The following CDH2 variants were observed in gnomAD, a reference collection of about 807,000 sequenced individuals.
The protein encoded by CDH2 is cadherin-2.
Under a neutral mutation model 92.0 loss-of-function variants are expected in CDH2, and 17 were observed. The ratio of observed to expected loss-of-function variants is 0.18; its 90% confidence interval spans 0.13 to 0.28. The LOEUF is 0.28. CDH2 is among the 10% of genes least tolerant of loss of function. The pLI is 1.00. For synonymous variants in CDH2, 419 were observed against 415.9 expected (o/e 1.01, Z -0.09); for missense variants, 862 against 1,133.1 (o/e 0.76, Z 3.44).
intron 2 of CDH2, among the ~76,000 whole-genome samples, chr18:28,106,412 A>T (rs926699220): frequency 6.6e-6 from 1 of 151,234 alleles, no homozygotes; most frequent in East Asian, 1.9e-4. Context: ...GTGAGATTGC[A>T]TTTCAAGAAA....
intron 1 of CDH2, among the ~76,000 whole-genome samples, chr18:28,160,334 A>G: frequency 6.6e-6 from 1 of 152,112 alleles, no homozygotes; most frequent in East Asian, 1.9e-4. Flanking sequence ...AAGGTAGCTC[A>G]GGACTCTGGA....
intron 2 of CDH2, among the ~76,000 whole-genome samples, chr18:28,085,684 A>T (rs2014913302): frequency 6.6e-6 from 1 of 152,124 alleles, no homozygotes; most frequent in African/African-American, 2.4e-5. Context: ...TCTCAAAGTC[A>T]CACATCGGAT....
chr18:28,165,490 C>A (rs574305423), intron 1 of CDH2, among the ~76,000 whole-genome samples: 1 of 152,280 alleles, frequency 6.6e-6, no homozygotes, highest in East Asian at 1.9e-4. Flanking sequence ...TCACACTCAG[C>A]CTGAAAGCAC....
At chr18:28,028,739 G>T (rs1418214942) in intron 2 of CDH2, among the ~76,000 whole-genome samples, 2 of 152,014 alleles carry the variant, frequency 1.3e-5, no homozygotes, top group Middle Eastern at 3.2e-3. Flanking sequence ...TAAACTATAA[G>T]AATTTAACAA....
At chr18:27,954,649 T>C (rs1347228388) in intron 15 of CDH2, 2 of 152,222 alleles carry the variant, frequency 1.3e-5, no homozygotes, top group Non-Finnish European at 2.9e-5. Flanking sequence ...ACCTTCATTA[T>C]TATAAGCAGC....
intron 2 of CDH2, among the ~76,000 whole-genome samples, chr18:28,087,138 A>C (rs983747898): frequency 1.3e-5 from 2 of 152,156 alleles, no homozygotes; most frequent in Non-Finnish European, 2.9e-5. Context: ...TTGAAATGCT[A>C]TCTTTTGCCT....
At chr18:27,982,895 A>G in intron 14 of CDH2, 49 bp downstream of exon 14, 4 of 1,362,592 alleles carry the variant, frequency 2.9e-6, no homozygotes, top group Non-Finnish European at 4.0e-6. Context: ...CCACTATTAA[A>G]TTTATACGAT....
intron 3 of CDH2, among the ~76,000 whole-genome samples, chr18:28,012,370 T>C (rs2013125986): frequency 6.6e-6 from 1 of 152,224 alleles, no homozygotes; most frequent in Non-Finnish European, 1.5e-5. Context: ...AATTTAGATC[T>C]TGATGTGCTA....
chr18:28,174,934 T>C (rs1372328026), intron 1 of CDH2, among the ~76,000 whole-genome samples: 2 of 152,162 alleles, frequency 1.3e-5, no homozygotes, highest in Admixed American at 1.3e-4. Flanking sequence ...TAAAGTAAGA[T>C]TTGTAAAAAA....
At chr18:27,971,325 T>G (rs964782828) in intron 14 of CDH2, among the ~76,000 whole-genome samples, 20 of 151,068 alleles carry the variant, frequency 1.3e-4, no homozygotes, top group Non-Finnish European at 2.5e-4. Flanking sequence ...TTTTTTTTTT[T>G]GCATAGTACT....
At position 28,174,255 on chromosome 18, in the gene CDH2, GA is replaced by G. The variant is rs538586544; in HGVS notation, c.60+2707del. Among the ~76,000 whole-genome samples the G allele has an allele frequency of 3.0e-4, 44 of 146,602 alleles. 1 individual carries two copies. In the East Asian group the frequency reaches 4.2e-3, roughly 14 times the overall value. ...CTTAGTCTGGAATTTAAAAAAAAAA[GA>G]AAAAAAAAACCTAGACTGTTAATAG... On this transcript the variant is annotated intron_variant, in intron 1 of 15. Coordinates refer to ENST00000269141, the MANE Select transcript of CDH2 (RefSeq NM_001792.5).
At chr18:27,949,642 AT>A (rs45519438), downstream of CDH2, among the ~76,000 whole-genome samples, 1,124 of 152,132 alleles carry the variant, frequency 7.4e-3, 7 homozygotes, top group South Asian at 0.021. Context: ...AAAGAAAATC[AT>A]TATGGACATG....
At chr18:28,118,268 C>T (rs1232023431) in intron 2 of CDH2, among the ~76,000 whole-genome samples, 4 of 151,920 alleles carry the variant, frequency 2.6e-5, no homozygotes, top group Non-Finnish European at 4.4e-5. Flanking sequence ...AGAAATGCAA[C>T]AGGAAAAAAG....
chr18:28,071,469 C>CA (rs2014616997), intron 2 of CDH2, among the ~76,000 whole-genome samples: 1 of 152,166 alleles, frequency 6.6e-6, no homozygotes, highest in Non-Finnish European at 1.5e-5. Context: ...GTAACTGTCA[C>CA]ACCATCATCA....
At chr18:28,092,593 C>G (rs1028823754) in intron 2 of CDH2, among the ~76,000 whole-genome samples, 1 of 151,264 alleles carries the variant, frequency 6.6e-6, no homozygotes, top group African/African-American at 2.4e-5. Flanking sequence ...GTAAAAGCCC[C>G]ATAAAAACTC....
rs146101190 is a variant in CDH2, at chr18:28,014,371, T to C, written c.173-462A>G. ...TCTGACACTGCTTGGAAGAGGCAGT[T>C]TGGGGCAAATGTTCTTAGTTATCCT... is the stretch of plus-strand genomic sequence containing the variant. On this transcript the variant is annotated intron_variant, in intron 2 of 15. Coordinates refer to ENST00000269141, the MANE Select transcript of CDH2 (RefSeq NM_001792.5). Among the ~76,000 whole-genome samples, 13 of 152,318 alleles carry C rather than the reference T, an allele frequency of 8.5e-5. No individual in the cohort carries two copies. In the East Asian group the frequency reaches 2.1e-3, roughly 25 times the overall value.
chr18:28,014,602 A>T (rs1198928121), intron 2 of CDH2, among the ~76,000 whole-genome samples: 3 of 152,092 alleles, frequency 2.0e-5, no homozygotes, highest in East Asian at 1.9e-4. Context: ...TAACATATTT[A>T]AAAAATTTTA....
At chr18:28,150,828 G>A (rs2016109715) in intron 1 of CDH2, among the ~76,000 whole-genome samples, 1 of 151,946 alleles carries the variant, frequency 6.6e-6, no homozygotes, top group Admixed American at 6.6e-5. Flanking sequence ...TATAATCCTG[G>A]ATCCAAAATA....
At chr18:28,045,512 ATTG>A (rs774113663) in intron 2 of CDH2, 9 of 449,126 alleles carry the variant, frequency 2.0e-5, no homozygotes, top group Admixed American at 7.5e-5. Context: ...ATTGTATTCA[ATTG>A]CTTACAGTTT....
Sources: gnomAD v4.1 joint callset for allele counts (sites outside exome capture counted in the v4.1 genomes callset) on GRCh38, gnomAD v4.1.1 for gene constraint, MANE v1.5 for transcripts, NCBI Gene and HGNC (gene_info 2026-07-23, HGNC 2026-07-21) for gene names.